NRG3: variants seen among roughly 807,000 people sequenced by gnomAD.
NRG3 encodes the protein neuregulin 3, also known as pro-neuregulin-3, membrane-bound isoform.
A neutral mutation model predicts 66.9 loss-of-function variants in NRG3; 31 were observed. The ratio of observed to expected loss-of-function variants is 0.46; its 90% CI spans 0.35 to 0.63. The LOEUF (loss-of-function observed/expected upper bound fraction) is 0.63, where lower values mean the gene tolerates loss of function less well. NRG3 is among the 20% of genes least tolerant of loss of function. NRG3 has a pLI of 0.00. For missense variants in NRG3, 910 were observed against 878.9 expected (o/e 1.04, Z -0.45); for synonymous variants, 393 against 359.4 (o/e 1.09, Z -1.06).
At chr10:81,956,753 C>G (rs935899036) in intron 1 of NRG3, among the ~76,000 whole-genome samples, 1 of 152,142 alleles carries the variant, frequency 6.6e-6, no homozygotes, top group Non-Finnish European at 1.5e-5. Flanking sequence ...TTCACAAGAT[C>G]AAGTCCCTAT....
At chr10:82,701,894 C>A (rs1463800716) in intron 2 of NRG3, among the ~76,000 whole-genome samples, 1 of 152,104 alleles carries the variant, frequency 6.6e-6, no homozygotes, top group Non-Finnish European at 1.5e-5. Context: ...TGTAATTTTC[C>A]AACATATAGG....
intron 1 of NRG3, among the ~76,000 whole-genome samples, chr10:82,318,788 T>G (rs1790519063): frequency 6.6e-6 from 1 of 152,132 alleles, no homozygotes; most frequent in Non-Finnish European, 1.5e-5. Flanking sequence ...ACCTCACAAA[T>G]AGAAAGTGAA....
intron 2 of NRG3, among the ~76,000 whole-genome samples, chr10:82,366,507 T>C (rs1368611781): frequency 6.6e-6 from 1 of 152,190 alleles, no homozygotes; most frequent in Non-Finnish European, 1.5e-5. Context: ...CAAGCATTTC[T>C]TGATTTTTCC....
At chr10:81,924,848 G>T (rs1043167483) in intron 1 of NRG3, among the ~76,000 whole-genome samples, 5 of 152,042 alleles carry the variant, frequency 3.3e-5, no homozygotes, top group African/African-American at 1.2e-4. Context: ...TTTCCTGTTT[G>T]ATAATTACTA....
chr10:82,358,636 G>T (rs911705835), intron 1 of NRG3, 103 bp from the exon 2 acceptor site: 2 of 1,512,550 alleles, frequency 1.3e-6, no homozygotes, highest in Non-Finnish European at 1.8e-6. Flanking sequence ...AGAGGTCAGA[G>T]CCCATGAGAA....
At chr10:82,923,617 T>C (rs746344168) in intron 4 of NRG3, among the ~76,000 whole-genome samples, 57 of 152,220 alleles carry the variant, frequency 3.7e-4, no homozygotes, top group Admixed American at 9.8e-4. Context: ...TTGGTAAATA[T>C]ACAAATGTAT....
At chr10:82,347,033 A>AT (rs1237975149) in intron 1 of NRG3, among the ~76,000 whole-genome samples, 1 of 151,630 alleles carries the variant, frequency 6.6e-6, no homozygotes, top group Non-Finnish European at 1.5e-5. Context: ...GGATTCATTA[A>AT]TTTTTTGAAG....
chr10:82,858,499 C>A (rs562314820), intron 3 of NRG3, among the ~76,000 whole-genome samples: 1 of 152,252 alleles, frequency 6.6e-6, no homozygotes, highest in Admixed American at 6.5e-5. Flanking sequence ...TTAGAAACTA[C>A]TAGAGCATGA....
chr10:82,308,057 C>T (rs2080838503), intron 1 of NRG3, among the ~76,000 whole-genome samples: 1 of 151,988 alleles, frequency 6.6e-6, no homozygotes, highest in Admixed American at 6.6e-5. Flanking sequence ...ATTATAAATT[C>T]TACTTAGTTT....
chr10:81,999,001 C>T (rs931383881), intron 1 of NRG3, among the ~76,000 whole-genome samples: 3 of 152,146 alleles, frequency 2.0e-5, no homozygotes, highest in Non-Finnish European at 4.4e-5. Context: ...TGGGGTTTCA[C>T]CGTGTTGGTC....
intron 1 of NRG3, among the ~76,000 whole-genome samples, chr10:82,227,484 T>A (rs1430338601): frequency 6.6e-6 from 1 of 152,172 alleles, no homozygotes; most frequent in Non-Finnish European, 1.5e-5. Flanking sequence ...TTTTTCTTTT[T>A]TAACTTGCTT....
chr10:82,198,726 C>A (rs969779493), intron 1 of NRG3, among the ~76,000 whole-genome samples: 1 of 152,084 alleles, frequency 6.6e-6, no homozygotes, highest in Non-Finnish European at 1.5e-5. Context: ...GGGCCGGGCA[C>A]GGTGGCTCAC....
chr10:82,896,349 A>G (rs187597844), intron 4 of NRG3, among the ~76,000 whole-genome samples: 28 of 152,334 alleles, frequency 1.8e-4, no homozygotes, highest in African/African-American at 6.3e-4. Context: ...ACCAGGCTCC[A>G]AGCCTGTCTG....
intron 2 of NRG3, among the ~76,000 whole-genome samples, chr10:82,625,234 G>A (rs752866772): frequency 8.6e-5 from 13 of 151,702 alleles, no homozygotes; most frequent in Admixed American, 2.0e-4. Context: ...GAAAAACAGA[G>A]GCTTGTATGA....
intron 2 of NRG3, among the ~76,000 whole-genome samples, chr10:82,713,024 GC>G (rs1456770647): frequency 1.4e-5 from 2 of 145,626 alleles, no homozygotes; most frequent in Non-Finnish European, 3.0e-5. Context: ...GGAGGCTGAG[GC>G]AGGAGAATCA....
At chr10:82,822,073 A>G (rs1393261576) in intron 3 of NRG3, among the ~76,000 whole-genome samples, 1 of 152,114 alleles carries the variant, frequency 6.6e-6, no homozygotes, top group Non-Finnish European at 1.5e-5. Context: ...CACAGGACTG[A>G]AACATAGAGG....
At chr10:81,993,454 C>T (rs2060817156) in intron 1 of NRG3, among the ~76,000 whole-genome samples, 1 of 152,052 alleles carries the variant, frequency 6.6e-6, no homozygotes, top group Non-Finnish European at 1.5e-5. Context: ...TCAAATGATC[C>T]TCCTGCCTTA....
At chr10:81,886,520 T>C (rs1409428594) in intron 1 of NRG3, among the ~76,000 whole-genome samples, 1 of 152,156 alleles carries the variant, frequency 6.6e-6, no homozygotes, top group Non-Finnish European at 1.5e-5. Flanking sequence ...TGCACTTGTA[T>C]TGTTTCACAT....
At chr10:82,963,823 G>A (rs143522524) in intron 6 of NRG3, among the ~76,000 whole-genome samples, 166 of 152,270 alleles carry the variant, frequency 1.1e-3, no homozygotes, top group Non-Finnish European at 1.2e-3. Context: ...AATCACCCCT[G>A]GGTTTGGTGG....
Sources: gnomAD v4.1 joint callset for allele counts (sites outside exome capture counted in the v4.1 genomes callset) on GRCh38, gnomAD v4.1.1 for gene constraint, MANE v1.5 for transcripts, NCBI Gene and HGNC (gene_info 2026-07-23, HGNC 2026-07-21) for gene names.